Variants in AUH observed in about 807,000 individuals in gnomAD.
AUH encodes AU RNA binding methylglutaconyl-CoA hydratase.
AUH carries 29 observed loss-of-function variants against 42.3 expected under a neutral mutation model. The ratio of observed to expected loss-of-function variants is 0.69; its 90% confidence interval spans 0.51 to 0.93. AUH has a LOEUF of 0.93. Among genes scored for constraint, AUH ranks in the 40% least tolerant of loss-of-function variants. The pLI is 0.00. For synonymous variants in AUH, 174 were observed against 166.4 expected (o/e 1.05, Z -0.35); for missense variants, 452 against 438.1 (o/e 1.03, Z -0.28).
chr9:91,358,743 C>T (rs1832627398), intron 1 of AUH, among the ~76,000 whole-genome samples: 1 of 152,096 alleles, frequency 6.6e-6, no homozygotes, highest in East Asian at 1.9e-4. Context: ...ACAGTTAATT[C>T]CAGCAATTTT....
At position 91,288,218 on chromosome 9, in the gene AUH, G is replaced by A. The variant is rs955321070; in HGVS notation, c.655+7803C>T. On this transcript the variant is annotated intron_variant, in intron 6 of 9. Coordinates refer to ENST00000375731, the MANE Select transcript of AUH (RefSeq NM_001698.3). ...GTAGAAGAGGTAAGAACAAAGAGCG[G>A]GAATTAGAAAATCTGCCACTATTTT... 2.0e-5 allele frequency among the ~76,000 whole-genome samples: 3 copies of A among 151,986 alleles called. No homozygotes were observed. In the South Asian group the frequency reaches 6.2e-4, roughly 32 times the overall value.
At chr9:91,217,199 A>G in intron 8 of AUH, 78 bp downstream of exon 8, 1 of 1,427,648 alleles carries the variant, frequency 7.0e-7, no homozygotes, top group South Asian at 1.2e-5. Context: ...AAAAAAATGT[A>G]GAAGTCTAAA....
chr9:91,216,873 A>C (rs1826850803), intron 8 of AUH, among the ~76,000 whole-genome samples: 1 of 152,242 alleles, frequency 6.6e-6, no homozygotes, highest in African/African-American at 2.4e-5. Flanking sequence ...TAGAAGGCAC[A>C]CTGAGAAGCT....
rs140970223 is a variant in AUH at position 91,279,234 on chromosome 9, T to C, written c.655+16787A>G. ...ACGTGCCAGGTAATGACATAGGCAC[T>C]TTACATGTATTATCCTAGTCAATTC... On this transcript the variant is annotated intron_variant, in intron 6 of 9. Transcript: ENST00000375731. Among the ~76,000 whole-genome samples the C allele has an allele frequency of 6.8e-4, 103 of 152,298 alleles. 1 individual carries two copies. The East Asian group carries it at 0.019, about 28-fold the overall frequency.
chr9:91,237,798 T>C (rs73650971), intron 6 of AUH, among the ~76,000 whole-genome samples: 89 of 152,340 alleles, frequency 5.8e-4, no homozygotes, highest in African/African-American at 2.0e-3. Flanking sequence ...ATCTTGTACC[T>C]TTCCTCCTCA....
At chr9:91,318,122 T>TA (rs1324309695) in intron 4 of AUH, among the ~76,000 whole-genome samples, 1 of 152,228 alleles carries the variant, frequency 6.6e-6, no homozygotes, top group African/African-American at 2.4e-5. Flanking sequence ...CTCACTTTAC[T>TA]ATCCTGTGGA....
chr9:91,218,511 G>A (rs1826953418), intron 7 of AUH: 2 of 616,688 alleles, frequency 3.2e-6, no homozygotes, highest in Non-Finnish European at 4.1e-6. Context: ...TGTGGACTCA[G>A]TGGGTCTGAG....
In AUH at chr9:91,356,075, T is replaced by C; in HGVS notation, c.330+13A>G. 1 of 1,610,318 alleles carries C rather than the reference T, an allele frequency of 6.2e-7. No homozygotes were observed. The highest frequency in any genetic ancestry group is 2.2e-5 in the East Asian group (1 of 44,794). On this transcript the variant is annotated intron_variant, in intron 2 of 9. Coordinates refer to ENST00000375731, the MANE Select transcript of AUH (RefSeq NM_001698.3). Reference sequence around the variant, plus strand: ...TTAATATTAGAAGCAAACAGTTTAATCTTTACACTCACCATTTTTATAAGA... The same window carrying C: ...TTAATATTAGAAGCAAACAGTTTAACCTTTACACTCACCATTTTTATAAGA...
In AUH at chr9:91,216,095, T is replaced by C; in HGVS notation, c.906A>G (p.Val302=). 6.2e-7 allele frequency: 1 copy of C among 1,613,156 alleles called. No individual in the cohort carries two copies. Among genetic ancestry groups the C allele is most frequent in the Non-Finnish European group, 8.5e-7 (1 of 1,179,430 alleles). ...AAGCTTCTTCTATGGCTAACCCTGT[T>C]ACTAAATCGACCTGAGAATAAAAAC... The part of the protein sequence containing the change: ...AINQGMEVDL[V]TGLAIEEACY... The change falls in exon 9 of 10, where the codon GTA becomes GTG. Residue 302 remains valine (V), a synonymous_variant. Coordinates refer to ENST00000375731, the MANE Select transcript of AUH (RefSeq NM_001698.3).
At chr9:91,345,668 C>G (rs1281692016) in intron 3 of AUH, among the ~76,000 whole-genome samples, 1 of 151,686 alleles carries the variant, frequency 6.6e-6, no homozygotes, top group Admixed American at 6.6e-5. Flanking sequence ...CCCGTCTCTA[C>G]TAAAAATACA....
chr9:91,327,221 G>T (rs1212005151), intron 3 of AUH, among the ~76,000 whole-genome samples: 2 of 152,196 alleles, frequency 1.3e-5, no homozygotes, highest in Non-Finnish European at 2.9e-5. Flanking sequence ...CTCATTGAGA[G>T]TGACAGAAGA....
At position 91,288,733 on chromosome 9, in the gene AUH, C is replaced by T. The variant is rs141990465; in HGVS notation, c.655+7288G>A. On this transcript the variant is annotated intron_variant, in intron 6 of 9. Coordinates refer to ENST00000375731, the MANE Select transcript of AUH (RefSeq NM_001698.3). ...GTTTTAATGTTTCCACATTCCTTCA[C>T]GTCTTTCTTTTTATTGCACTATATA... 4.6e-4 allele frequency among the ~76,000 whole-genome samples: 70 copies of T among 152,186 alleles called. No individual in the cohort carries two copies. In the East Asian group the frequency reaches 8.9e-3, roughly 19 times the overall value.
In AUH at chr9:91,275,837, T is replaced by C. The variant is rs576583090; in HGVS notation, c.655+20184A>G. On this transcript the variant is annotated intron_variant, in intron 6 of 9. Coordinates refer to ENST00000375731, the MANE Select transcript of AUH (RefSeq NM_001698.3). ...TTGATGAAATGAAAAGTGGTCTTGC[T>C]GACAATGCATTATCATTTCTAGACA... Among the ~76,000 whole-genome samples the C allele has an allele frequency of 2.6e-5, 4 of 152,350 alleles. No individual in the cohort carries two copies. The East Asian group carries it at 7.7e-4, about 29-fold the overall frequency.
intron 6 of AUH, among the ~76,000 whole-genome samples, chr9:91,274,864 C>T (rs1376017659): frequency 1.3e-5 from 2 of 152,130 alleles, no homozygotes; most frequent in Non-Finnish European, 1.5e-5. Context: ...ATGACCAATC[C>T]TAGGAGAATT....
chr9:91,271,283 T>C (rs1180524813), intron 6 of AUH, among the ~76,000 whole-genome samples: 1 of 152,222 alleles, frequency 6.6e-6, no homozygotes, highest in African/African-American at 2.4e-5. Flanking sequence ...TGCTTCCAAA[T>C]GGTAATGGTG....
intron 4 of AUH, among the ~76,000 whole-genome samples, chr9:91,315,415 T>G (rs148645965): frequency 0.012 from 1,853 of 152,332 alleles, 18 homozygotes; most frequent in Non-Finnish European, 0.019. Context: ...TATGTATACC[T>G]GGCCACCCTG....
intron 6 of AUH, among the ~76,000 whole-genome samples, chr9:91,248,721 G>A (rs1045800265): frequency 2.6e-5 from 4 of 152,208 alleles, no homozygotes; most frequent in East Asian, 1.9e-4. Flanking sequence ...GACTTCAAGC[G>A]AAACAACATG....
chr9:91,281,788 A>T (rs766918532), intron 6 of AUH, among the ~76,000 whole-genome samples: 13 of 151,886 alleles, frequency 8.6e-5, no homozygotes, highest in Non-Finnish European at 1.5e-4. Flanking sequence ...TCTAAACCAT[A>T]CCCCACTACT....
intron 9 of AUH, among the ~76,000 whole-genome samples, chr9:91,215,858 T>C (rs562742046): frequency 1.3e-5 from 2 of 152,288 alleles, no homozygotes; most frequent in South Asian, 2.1e-4. Context: ...CTAGATTATA[T>C]AGACAAGAGG....
Sources: gnomAD v4.1 joint callset for allele counts (sites outside exome capture counted in the v4.1 genomes callset) on GRCh38, gnomAD v4.1.1 for gene constraint, MANE v1.5 for transcripts, NCBI Gene and HGNC (gene_info 2026-07-23, HGNC 2026-07-21) for gene names.